DMD: variants seen among roughly 807,000 people sequenced by gnomAD.
The protein encoded by DMD is dystrophin.
In DMD, 63 loss-of-function variants were observed where a neutral mutation model predicts 330.1. The observed-to-expected ratio is 0.19, with a 90% CI of 0.16 to 0.24. The LOEUF is 0.24. DMD is among the 10% of genes least tolerant of loss of function. The probability of loss-of-function intolerance (pLI) is 1.00; values close to 1 mark genes in which losing one functional copy is unlikely to be tolerated. For missense variants in DMD, 3,344 were observed against 2,684.1 expected (o/e 1.25, Z -5.43); for synonymous variants, 1,223 against 959.8 (o/e 1.27, Z -5.07).
intron 2 of DMD, among the ~76,000 whole-genome samples, chrX:32,894,235 AC>A (rs776091404): frequency 3.6e-5 from 4 of 112,087 alleles, no homozygotes; most frequent in Non-Finnish European, 5.6e-5. Flanking sequence ...GTTGTACTGA[AC>A]CCCTATAACC....
In DMD at chrX:32,708,285, G is replaced by GTTTT. The variant is rs11382915; in HGVS notation, c.650-8996_650-8993dup. Among the ~76,000 whole-genome samples, 638 of 100,282 alleles carry GTTTT rather than the reference G, an allele frequency of 6.4e-3. 7 individuals are homozygous for GTTTT. The highest frequency in any genetic ancestry group is 0.021 in the African/African-American group (575 of 27,500). The allele number at this position is 100,282 out of a possible 115,157, so 87.1% of individuals were successfully genotyped here. ...CGCAGATATTGTACAAAATGATCAG[G>GTTTT]TTTTTTTTTTTTTGAAAAAAATATG... On this transcript the variant is annotated intron_variant, in intron 7 of 78. Transcript: ENST00000357033.
At chrX:32,650,813 A>G (rs1299309194) in intron 9 of DMD, among the ~76,000 whole-genome samples, 1 of 112,177 alleles carries the variant, frequency 8.9e-6, no homozygotes, top group African/African-American at 3.2e-5. Flanking sequence ...AAATACAACT[A>G]CTACCGCATA....
At chrX:31,925,871 C>CA (rs1234308714) in intron 47 of DMD, among the ~76,000 whole-genome samples, 2,561 of 41,005 alleles carry the variant, frequency 0.062, 76 homozygotes, top group African/African-American at 0.15. Context: ...AACTCTGTCT[C>CA]AAAAAAAAAA....
intron 21 of DMD, among the ~76,000 whole-genome samples, chrX:32,483,820 C>CAAAAAAAAA (rs770119472): frequency 1.9e-4 from 7 of 37,249 alleles, no homozygotes; most frequent in African/African-American, 3.6e-4. Flanking sequence ...CTCTGAAGTA[C>CAAAAAAAAA]AAAAAAAAAA....
At chrX:32,577,481 C>T (rs1223780947) in intron 13 of DMD, among the ~76,000 whole-genome samples, 1 of 112,249 alleles carries the variant, frequency 8.9e-6, no homozygotes, top group African/African-American at 3.2e-5. Flanking sequence ...TAAAGAATTG[C>T]AAATGTTAAA....
intron 43 of DMD, among the ~76,000 whole-genome samples, chrX:32,225,262 A>G (rs1467480975): frequency 9.0e-6 from 1 of 111,617 alleles, no homozygotes; most frequent in East Asian, 2.8e-4. Flanking sequence ...TTGAAGTTCA[A>G]AAAAAAGGTA....
intron 7 of DMD, among the ~76,000 whole-genome samples, chrX:32,761,000 C>T (rs764539775): frequency 9.3e-6 from 1 of 108,011 alleles, no homozygotes; most frequent in Non-Finnish European, 1.9e-5. Flanking sequence ...TAAAATATAG[C>T]CCAAATGTAC....
intron 67 of DMD, among the ~76,000 whole-genome samples, chrX:31,196,380 T>A (rs1279348545): frequency 1.8e-5 from 2 of 111,184 alleles, no homozygotes; most frequent in Admixed American, 9.6e-5. Flanking sequence ...ATTACTTAGT[T>A]ACTAGTGAGT....
chrX:32,739,617 C>G (rs781061692), intron 7 of DMD, among the ~76,000 whole-genome samples: 3 of 111,756 alleles, frequency 2.7e-5, no homozygotes, highest in African/African-American at 9.8e-5. Context: ...TATTAACAGA[C>G]CAGTGGTTGG....
At chrX:31,604,886 G>A (rs912668098) in intron 55 of DMD, among the ~76,000 whole-genome samples, 1 of 111,728 alleles carries the variant, frequency 9.0e-6, no homozygotes, top group East Asian at 2.8e-4. Context: ...CCAGCATTTT[G>A]CTTCGGAGGA....
chrX:33,074,305 GTC>G (rs1388147379), intron 1 of DMD, among the ~76,000 whole-genome samples: 1 of 111,645 alleles, frequency 9.0e-6, no homozygotes, highest in Non-Finnish European at 1.9e-5. Flanking sequence ...CACCCCTGGA[GTC>G]TCTCTGAATC....
intron 45 of DMD, among the ~76,000 whole-genome samples, chrX:31,951,764 G>A (rs1474495575): frequency 9.0e-6 from 1 of 111,204 alleles, no homozygotes; most frequent in Non-Finnish European, 1.9e-5. Flanking sequence ...TATTTGTACA[G>A]TCTTTTATAT....
At chrX:32,518,417 T>G (rs1488494769) in intron 17 of DMD, among the ~76,000 whole-genome samples, 2 of 109,957 alleles carry the variant, frequency 1.8e-5, no homozygotes, top group African/African-American at 6.6e-5. Context: ...GCTTGAATGT[T>G]TCCACTATTT....
intron 44 of DMD, among the ~76,000 whole-genome samples, chrX:32,002,914 C>G (rs2095637351): frequency 9.0e-6 from 1 of 111,295 alleles, no homozygotes; most frequent in African/African-American, 3.3e-5. Context: ...CTTTCTCAAG[C>G]CTTTCTGGTC....
intron 9 of DMD, among the ~76,000 whole-genome samples, chrX:32,664,413 T>C (rs2061166188): frequency 9.2e-6 from 1 of 109,187 alleles, no homozygotes; most frequent in Non-Finnish European, 1.9e-5. Flanking sequence ...GGCAAATTTT[T>C]TGTATTTTTA....
At chrX:32,593,401 T>A (rs769683833) in intron 13 of DMD, among the ~76,000 whole-genome samples, 1 of 112,408 alleles carries the variant, frequency 8.9e-6, no homozygotes, top group East Asian at 2.8e-4. Flanking sequence ...TGCTCATTTT[T>A]AAAAATACTT....
chrX:32,711,467 T>G (rs1457823007), intron 7 of DMD, among the ~76,000 whole-genome samples: 1 of 111,764 alleles, frequency 8.9e-6, no homozygotes, highest in Non-Finnish European at 1.9e-5. Flanking sequence ...AATGGGAACG[T>G]GCCCCTTGAT....
At chrX:33,133,126 A>T (rs867979138) in intron 1 of DMD, among the ~76,000 whole-genome samples, 2 of 102,249 alleles carry the variant, frequency 2.0e-5, no homozygotes, top group African/African-American at 4.3e-5. Context: ...AGTAGTGGTT[A>T]AAAAAAAAGC....
At chrX:31,177,147 T>G (rs1231162563) in intron 71 of DMD, among the ~76,000 whole-genome samples, 1 of 111,606 alleles carries the variant, frequency 9.0e-6, no homozygotes, top group Admixed American at 9.5e-5. Flanking sequence ...AAATAGGCAC[T>G]TTGTTTGCTA....
Sources: allele counts gnomAD v4.1 joint callset (sites outside exome capture counted in the v4.1 genomes callset), GRCh38; gene constraint gnomAD v4.1.1; transcripts MANE v1.5; gene names NCBI Gene and HGNC (gene_info 2026-07-23, HGNC 2026-07-21).